The following KIAA1217 variants were observed in gnomAD, a reference collection of about 807,000 sequenced individuals.
KIAA1217 encodes KIAA1217, also known as sickle tail protein homolog.
Under a neutral mutation model 163.9 loss-of-function variants are expected in KIAA1217, and 88 were observed. The ratio of observed to expected loss-of-function variants is 0.54; its 90% CI spans 0.45 to 0.64. KIAA1217 has a LOEUF of 0.64. Ranked by LOEUF, KIAA1217 falls within the 30% of genes least tolerant of loss-of-function variation. The probability of loss-of-function intolerance (pLI) is 0.00; values close to 1 mark genes in which losing one functional copy is unlikely to be tolerated. For missense variants in KIAA1217, 2,372 were observed against 2,475.0 expected, an observed-to-expected ratio of 0.96 and a Z score of 0.88; for synonymous variants, 903 against 923.1, an observed-to-expected ratio of 0.98 and a Z score of 0.39.
At chr10:23,733,690 T>C (rs1413145621) in intron 1 of KIAA1217, among the ~76,000 whole-genome samples, 2 of 152,120 alleles carry the variant, frequency 1.3e-5, no homozygotes, top group African/African-American at 4.8e-5. Context: ...GTGGGTATAG[T>C]ACCCGCCAGA....
In KIAA1217 at chr10:24,543,782, G is replaced by C; in HGVS notation, c.4512G>C (p.Lys1504Asn). Residue 1504 changes from lysine to asparagine, a missense_variant, in exon 19 of 21, where the codon AAG becomes AAC. Physicochemically the swap from Lys to Asn is moderately conservative, Grantham distance 94 (BLOSUM62 0). Coordinates refer to ENST00000376454, the MANE Select transcript of KIAA1217 (RefSeq NM_019590.5). ...QNNNTSQMSHKKVAPGNLRTG... is the reference protein window; with the variant it reads ...QNNNTSQMSHNKVAPGNLRTG... Reference sequence around the variant, plus strand: ...ATAACACTTCCCAGATGTCTCATAAGAAGGTGGCCCCAGGCAATCTTAGAA... The same window carrying C: ...ATAACACTTCCCAGATGTCTCATAACAAGGTGGCCCCAGGCAATCTTAGAA... 2 of 1,613,608 alleles carry C rather than the reference G, an allele frequency of 1.2e-6. No homozygotes were observed. The highest frequency in any genetic ancestry group is 1.7e-6 in the Non-Finnish European group (2 of 1,179,788).
chr10:24,260,648 G>A (rs2075633985), intron 2 of KIAA1217, among the ~76,000 whole-genome samples: 2 of 150,700 alleles, frequency 1.3e-5, no homozygotes, highest in Non-Finnish European at 2.9e-5. Flanking sequence ...GGGAAGCTGA[G>A]GCGGGAGGAT....
At chr10:23,833,059 C>A (rs1046521184) in intron 1 of KIAA1217, among the ~76,000 whole-genome samples, 9 of 152,068 alleles carry the variant, frequency 5.9e-5, no homozygotes, top group African/African-American at 2.2e-4. Flanking sequence ...GGGGACACAG[C>A]CAAACCATAT....
rs58982993 is a variant in KIAA1217 at position 24,335,584 on chromosome 10, T to TTTTATTTATTTATTTA, written c.355-45258_355-45243dup. On this transcript the variant is annotated intron_variant, in intron 2 of 20. Coordinates refer to ENST00000376454, the MANE Select transcript of KIAA1217 (RefSeq NM_019590.5). ...CTTTATTTTATTTAATTTTATCTTA[T>TTTTATTTATTTATTTA]TTTATTTATTTATTTATTTATTTAT... Among the ~76,000 whole-genome samples the TTTTATTTATTTATTTA allele has an allele frequency of 5.7e-3, 787 of 138,416 alleles. 4 individuals are homozygous for TTTTATTTATTTATTTA. Among genetic ancestry groups the TTTTATTTATTTATTTA allele is most frequent in the Middle Eastern group, 0.015 (4 of 274 alleles). The allele number at this position is 138,416 out of a possible 152,430, so 90.8% of individuals were successfully genotyped here.
At position 24,339,310 on chromosome 10, in the gene KIAA1217, T is replaced by C. The variant is rs933920095; in HGVS notation, c.355-41559T>C. Among the ~76,000 whole-genome samples, 5 of 152,234 alleles carry C rather than the reference T, an allele frequency of 3.3e-5. No individual in the cohort carries two copies. The East Asian group carries it at 9.6e-4, about 29-fold the overall frequency. ...ACATATATTTCCCTTTTGGGCATTG[T>C]CACCCAATTTTTGGCTATTCAAATA... On this transcript the variant is annotated intron_variant, in intron 2 of 20. Coordinates refer to ENST00000376454, the MANE Select transcript of KIAA1217 (RefSeq NM_019590.5).
At chr10:23,696,242 C>G (rs1427304976) in intron 1 of KIAA1217, among the ~76,000 whole-genome samples, 2 of 152,214 alleles carry the variant, frequency 1.3e-5, no homozygotes, top group Non-Finnish European at 2.9e-5. Context: ...AGGGTCAGAG[C>G]CCTGCAGAGG....
intron 1 of KIAA1217, among the ~76,000 whole-genome samples, chr10:23,871,692 G>A (rs1251372189): frequency 2.6e-5 from 4 of 151,924 alleles, no homozygotes; most frequent in African/African-American, 4.8e-5. Flanking sequence ...CTAAGTATGG[G>A]GGTTTGAACG....
In KIAA1217 at chr10:23,820,636, G is replaced by A. The variant is rs138501854; in HGVS notation, c.-321+125402G>A. On this transcript the variant is annotated intron_variant, in intron 1 of 18. Coordinates refer to the KIAA1217 transcript ENST00000376462. Reference sequence around the variant, plus strand: ...AAGTGAGGAGGTTGCCTTAAAGGGCGTGAATGTTATTTGCAAAGACATCAG... The same window carrying A: ...AAGTGAGGAGGTTGCCTTAAAGGGCATGAATGTTATTTGCAAAGACATCAG... Among the ~76,000 whole-genome samples the A allele has an allele frequency of 1.8e-4, 28 of 152,294 alleles. No homozygotes were observed. In the East Asian group the frequency reaches 4.8e-3, roughly 26 times the overall value.
rs149156996 is a variant in KIAA1217, at chr10:23,753,164, G to A, written c.-321+57930G>A. ...AAGATTTCAGATTTGACAAATAGTG[G>A]TGCCAAAAATGGAGCTGGCAAACAC... On this transcript the variant is annotated intron_variant, in intron 1 of 18. Coordinates refer to the KIAA1217 transcript ENST00000376462. Among the ~76,000 whole-genome samples, 164 of 152,276 alleles carry A rather than the reference G, an allele frequency of 1.1e-3. 2 individuals are homozygous for A. The highest frequency in any genetic ancestry group is 3.8e-3 in the African/African-American group (156 of 41,560).
chr10:24,521,197 G>A (rs2071221607), intron 11 of KIAA1217, among the ~76,000 whole-genome samples: 1 of 151,960 alleles, frequency 6.6e-6, no homozygotes, highest in African/African-American at 2.4e-5. Flanking sequence ...AGCTGGGCAT[G>A]GTGGCACAAA....
intron 10 of KIAA1217, among the ~76,000 whole-genome samples, chr10:24,516,390 G>A (rs1036172908): frequency 3.3e-5 from 5 of 152,238 alleles, no homozygotes; most frequent in African/African-American, 1.2e-4. Context: ...TGTCTGGGCT[G>A]TGCCTACAGA....
chr10:24,509,651 C>A (rs1038629186), intron 9 of KIAA1217, among the ~76,000 whole-genome samples: 1 of 152,190 alleles, frequency 6.6e-6, no homozygotes, highest in African/African-American at 2.4e-5. Flanking sequence ...TAACTTTTGG[C>A]TCCCCCAAAC....
At chr10:23,796,840 A>G (rs1217539156) in intron 1 of KIAA1217, among the ~76,000 whole-genome samples, 1 of 152,052 alleles carries the variant, frequency 6.6e-6, no homozygotes, top group Non-Finnish European at 1.5e-5. Context: ...TTTAAGATAT[A>G]TGTATGTATA....
chr10:23,758,563 G>A (rs1443391791), intron 1 of KIAA1217, among the ~76,000 whole-genome samples: 1 of 150,526 alleles, frequency 6.6e-6, no homozygotes, highest in Non-Finnish European at 1.5e-5. Context: ...ATTTTGGGGT[G>A]GGTTTTTCTT....
chr10:24,179,565 C>A (rs1198311031), intron 2 of KIAA1217, among the ~76,000 whole-genome samples: 1 of 152,072 alleles, frequency 6.6e-6, no homozygotes, highest in African/African-American at 2.4e-5. Flanking sequence ...CTTTAAATTG[C>A]CCAGTTTCAG....
At chr10:23,960,393 G>C (rs1286359157) in intron 1 of KIAA1217, among the ~76,000 whole-genome samples, 1 of 152,056 alleles carries the variant, frequency 6.6e-6, no homozygotes, top group Non-Finnish European at 1.5e-5. Flanking sequence ...GAGTAGCCGG[G>C]ATTACAGGCA....
chr10:24,546,065 C>G lies in KIAA1217; in HGVS notation c.5573C>G (p.Ser1858Cys), dbSNP rs756802650. 2 of 1,614,236 alleles carry G rather than the reference C, an allele frequency of 1.2e-6. No individual in the cohort carries two copies. Among genetic ancestry groups the G allele is most frequent in the Non-Finnish European group, 1.7e-6 (2 of 1,180,050 alleles). The change falls in exon 21 of 21, where the codon TCT becomes TGT. Residue 1858 changes from serine to cysteine, a missense_variant. Physicochemically the swap from Ser to Cys is moderately radical, Grantham distance 112. Transcript: ENST00000376454. ...AHSASLIPSVSNGSLKFQSLT... is the reference protein window; with the variant it reads ...AHSASLIPSVCNGSLKFQSLT... ...TCTGCCTCCCTCATCCCTTCTGTCT[C>G]TAATGGCTCTTTGAAGTTTCAGAGC...
At position 24,501,164 on chromosome 10, in the gene KIAA1217, G is replaced by A. The variant is rs142879354; in HGVS notation, c.1835-215G>A. On this transcript the variant is annotated intron_variant, in intron 8 of 20. Transcript: ENST00000376454. ...TAGATAGGAGCATAGGCAGCTCTGT[G>A]GCCTGTCTTCCTATGGCACTTTCTT... Among the ~76,000 whole-genome samples, 264 of 152,168 alleles carry A rather than the reference G, an allele frequency of 1.7e-3. 4 individuals are homozygous for A. Among genetic ancestry groups the A allele is most frequent in the African/African-American group, 6.0e-3 (249 of 41,524 alleles).
intron 1 of KIAA1217, among the ~76,000 whole-genome samples, chr10:23,721,949 T>C (rs555983105): frequency 6.6e-6 from 1 of 152,114 alleles, no homozygotes; most frequent in Non-Finnish European, 1.5e-5. Context: ...AAGTGTCCCA[T>C]TGATGGATGC....
Sources: allele counts gnomAD v4.1 joint callset (sites outside exome capture counted in the v4.1 genomes callset), GRCh38; gene constraint gnomAD v4.1.1; transcripts MANE v1.5; gene names NCBI Gene and HGNC (gene_info 2026-07-23, HGNC 2026-07-21).